The following ARHGAP22 variants were observed in gnomAD, a reference collection of about 807,000 sequenced individuals.
The protein encoded by ARHGAP22 is rho GTPase-activating protein 22.
In ARHGAP22, 48 loss-of-function variants were observed where a neutral mutation model predicts 59.1. The observed-to-expected ratio is 0.81, with a 90% CI of 0.64 to 1.03. ARHGAP22 has a LOEUF of 1.03. Ranked by LOEUF, ARHGAP22 falls within the 50% of genes least tolerant of loss-of-function variation. ARHGAP22 has a pLI of 0.00. For missense variants in ARHGAP22, 1,015 were observed against 958.7 expected (o/e 1.06, Z -0.78); for synonymous variants, 445 against 416.4 (o/e 1.07, Z -0.84).
intron 1 of ARHGAP22, among the ~76,000 whole-genome samples, chr10:48,638,548 T>C (rs2136139400): frequency 6.6e-6 from 1 of 152,160 alleles, no homozygotes; most frequent in East Asian, 1.9e-4. Flanking sequence ...TCAAGTGTTG[T>C]CCATTTTTCT....
At chr10:48,555,384 C>T (rs1057493792) in intron 3 of ARHGAP22, 79 bp downstream of exon 3, 6 of 1,016,606 alleles carry the variant, frequency 5.9e-6, no homozygotes, top group Middle Eastern at 3.3e-4. Flanking sequence ...AGGAGTGTCA[C>T]GAAGGTCTGC....
At chr10:48,515,402 C>T (rs1206307855) in intron 3 of ARHGAP22, among the ~76,000 whole-genome samples, 1 of 152,168 alleles carries the variant, frequency 6.6e-6, no homozygotes, top group Non-Finnish European at 1.5e-5. Context: ...CAATTATAAA[C>T]ATATATGCCC....
intron 4 of ARHGAP22, among the ~76,000 whole-genome samples, chr10:48,475,824 T>G (rs2048666908): frequency 6.6e-6 from 1 of 152,170 alleles, no homozygotes; most frequent in Non-Finnish European, 1.5e-5. Flanking sequence ...ACTTCTCTAT[T>G]CCATGCCATG....
intron 5 of ARHGAP22, among the ~76,000 whole-genome samples, chr10:48,459,363 C>CT (rs959271657): frequency 2.0e-5 from 3 of 151,978 alleles, no homozygotes; most frequent in South Asian, 4.2e-4. Context: ...GCCTGGGGTC[C>CT]GGATGCAGCT....
At chr10:48,569,998 C>T (rs951662614) in intron 2 of ARHGAP22, among the ~76,000 whole-genome samples, 3 of 152,148 alleles carry the variant, frequency 2.0e-5, no homozygotes, top group African/African-American at 7.2e-5. Context: ...ATAAAACAAA[C>T]CTTAAAATGT....
At chr10:48,546,302 G>T (rs2056430145) in intron 3 of ARHGAP22, among the ~76,000 whole-genome samples, 1 of 152,128 alleles carries the variant, frequency 6.6e-6, no homozygotes, top group Non-Finnish European at 1.5e-5. Flanking sequence ...CCCCTCAGTT[G>T]GTCTACCCTG....
At chr10:48,619,430 G>T (rs1435121250) in intron 1 of ARHGAP22, among the ~76,000 whole-genome samples, 1 of 152,058 alleles carries the variant, frequency 6.6e-6, no homozygotes, top group Non-Finnish European at 1.5e-5. Context: ...TCACACTACT[G>T]AACTTAAAAA....
At chr10:48,447,254 G>C (rs1340275789) in intron 9 of ARHGAP22, among the ~76,000 whole-genome samples, 1 of 152,200 alleles carries the variant, frequency 6.6e-6, no homozygotes, top group African/African-American at 2.4e-5. Flanking sequence ...TGCCAAGGTT[G>C]GCATGGCCAT....
At chr10:48,631,178 C>T (rs1457454250) in intron 1 of ARHGAP22, among the ~76,000 whole-genome samples, 1 of 152,128 alleles carries the variant, frequency 6.6e-6, no homozygotes, top group Non-Finnish European at 1.5e-5. Context: ...GTATATAATT[C>T]TTTTTATACA....
Position 48,454,089 on chromosome 10 carries a change from T to C in ARHGAP22, c.865A>G (p.Lys289Glu). The change falls in exon 7 of 10, where the codon AAG (lysine) becomes GAG (glutamate). Residue 289 changes from lysine (K) to glutamate (E), a missense_variant and splice_region_variant. Coordinates refer to ENST00000249601, the MANE Select transcript of ARHGAP22 (RefSeq NM_021226.4). ...GTTCCCTCCTGCCAAGCCGCTTACT[T>C]GCAGATGTATCTGAGCAGGTTGTAA... ...ANYNLLRYIC[K>E]FLDEVQAYSN... is the part of the protein sequence containing the mutation. 6.2e-7 allele frequency: 1 copy of C among 1,613,904 alleles called. No individual in the cohort carries two copies. Among genetic ancestry groups the C allele is most frequent in the Non-Finnish European group, 8.5e-7 (1 of 1,179,858 alleles).
intron 1 of ARHGAP22, among the ~76,000 whole-genome samples, chr10:48,594,870 C>T (rs950040896): frequency 2.0e-5 from 3 of 152,138 alleles, no homozygotes; most frequent in Middle Eastern, 3.4e-3. Flanking sequence ...TCATGTCCTG[C>T]TTTCGGATCC....
At chr10:48,656,265 TGGG>T (rs760924651), upstream of ARHGAP22, 75 of 101,646 alleles carry the variant, frequency 7.4e-4, no homozygotes, top group African/African-American at 4.3e-3. Flanking sequence ...TCGGCGCCTC[TGGG>T]GGGGGGGGGG....
chr10:48,453,996 C>G (rs1048005614), intron 7 of ARHGAP22, 92 bp downstream of exon 7: 1 of 1,372,000 alleles, frequency 7.3e-7, no homozygotes, highest in Non-Finnish European at 1.0e-6. Flanking sequence ...GGGCCCCCCT[C>G]TGACAAGGAA....
At chr10:48,644,768 C>A (rs918754099) in intron 1 of ARHGAP22, among the ~76,000 whole-genome samples, 29 of 152,000 alleles carry the variant, frequency 1.9e-4, no homozygotes, top group African/African-American at 6.5e-4. Context: ...TGGTATACAG[C>A]AAAATCACTA....
At chr10:48,451,633 T>A in intron 8 of ARHGAP22, 1 of 683,812 alleles carries the variant, frequency 1.5e-6, no homozygotes, top group African/African-American at 1.8e-5. Context: ...CACATACAAT[T>A]GCACACACAA....
chr10:48,586,606 A>C (rs1482596535), intron 1 of ARHGAP22, among the ~76,000 whole-genome samples: 1 of 152,214 alleles, frequency 6.6e-6, no homozygotes, highest in Non-Finnish European at 1.5e-5. Context: ...TGGCTGTATT[A>C]CACCAAACAA....
At chr10:48,594,776 C>T (rs1201136754) in intron 1 of ARHGAP22, among the ~76,000 whole-genome samples, 3 of 152,118 alleles carry the variant, frequency 2.0e-5, no homozygotes, top group Non-Finnish European at 2.9e-5. Flanking sequence ...TAGCTAGGTA[C>T]AGGGGTGTAC....
chr10:48,508,903 C>G (rs1226340125), intron 3 of ARHGAP22, among the ~76,000 whole-genome samples: 1 of 152,240 alleles, frequency 6.6e-6, no homozygotes, highest in African/African-American at 2.4e-5. Flanking sequence ...CAGAAGCAAG[C>G]GTTCCTAAGG....
chr10:48,563,422 C>T (rs2057838189), intron 2 of ARHGAP22, among the ~76,000 whole-genome samples: 1 of 152,058 alleles, frequency 6.6e-6, no homozygotes. Flanking sequence ...CTCGATCTGA[C>T]CTCGTGATCC....
Sources: gnomAD v4.1 joint callset for allele counts (sites outside exome capture counted in the v4.1 genomes callset) on GRCh38, gnomAD v4.1.1 for gene constraint, MANE v1.5 for transcripts, NCBI Gene and HGNC (gene_info 2026-07-23, HGNC 2026-07-21) for gene names.